Variants in STUM observed in about 807,000 individuals in gnomAD.
STUM encodes the protein stum, mechanosensory transduction mediator homolog, also known as protein stum homolog.
In STUM, 8 loss-of-function variants were observed where a neutral mutation model predicts 15.3. The ratio of observed to expected loss-of-function variants is 0.52; its 90% CI spans 0.31 to 0.94. STUM has a LOEUF of 0.94. Among genes scored for constraint, STUM ranks in the 40% least tolerant of loss-of-function variants. STUM has a pLI of 0.05. For synonymous variants in STUM, 78 were observed against 88.7 expected (o/e 0.88, Z 0.68); for missense variants, 142 against 204.9 (o/e 0.69, Z 1.87).
At chr1:226,555,219 A>T (rs680886) in intron 1 of STUM, among the ~76,000 whole-genome samples, 134,063 of 152,232 alleles carry the variant, frequency 0.88, 59,022 homozygotes, top group East Asian at 0.93. Context: ...CTGTATTCAC[A>T]CCCGCAGTGA....
intron 1 of STUM, among the ~76,000 whole-genome samples, chr1:226,575,163 G>A (rs967917507): frequency 5.3e-5 from 8 of 152,190 alleles, no homozygotes; most frequent in Non-Finnish European, 1.2e-4. Flanking sequence ...TCAGGCAGTC[G>A]GGTACCAGGA....
Position 226,560,241 on chromosome 1 carries a change from C to A in STUM, c.202+11135C>A, listed in dbSNP as rs1313700531. ...CTCCTTCCTCAGCCCTGGCTTCCAACCTCACTACTTGACCACTGTTCTTCC... is the reference window on the plus strand; with the variant it reads ...CTCCTTCCTCAGCCCTGGCTTCCAAACTCACTACTTGACCACTGTTCTTCC... On this transcript the variant is annotated intron_variant, in intron 1 of 3. Transcript: ENST00000366788. Among the ~76,000 whole-genome samples the A allele has an allele frequency of 5.9e-5, 9 of 152,326 alleles. No homozygotes were observed. In the East Asian group the frequency reaches 1.7e-3, roughly 29 times the overall value.
chr1:226,585,259 C>A (rs1162020867), intron 1 of STUM, among the ~76,000 whole-genome samples: 2 of 152,156 alleles, frequency 1.3e-5, no homozygotes, highest in African/African-American at 4.8e-5. Context: ...TTTTATTTTC[C>A]TAGTCATAAT....
At chr1:226,555,136 C>T (rs1337738817) in intron 1 of STUM, among the ~76,000 whole-genome samples, 1 of 152,234 alleles carries the variant, frequency 6.6e-6, no homozygotes, top group South Asian at 2.1e-4. Context: ...TCCTTTGCCT[C>T]TCTTGACAAC....
chr1:226,592,324 C>T (rs890300782), intron 1 of STUM, among the ~76,000 whole-genome samples: 3 of 152,230 alleles, frequency 2.0e-5, no homozygotes, highest in Non-Finnish European at 4.4e-5. Context: ...GCTGGGATTA[C>T]AGGCGTGAGC....
At chr1:226,581,631 A>G (rs537019729) in intron 1 of STUM, among the ~76,000 whole-genome samples, 7 of 152,052 alleles carry the variant, frequency 4.6e-5, no homozygotes, top group African/African-American at 1.4e-4. Flanking sequence ...GCTGGAGTGC[A>G]GTGGGCAGGA....
intron 1 of STUM, among the ~76,000 whole-genome samples, chr1:226,594,565 T>C (rs537053946): frequency 6.6e-6 from 1 of 152,338 alleles, no homozygotes; most frequent in African/African-American, 2.4e-5. Context: ...TGCTCACCTG[T>C]CATTGTGACC....
At chr1:226,573,155 C>T (rs1667746861) in intron 1 of STUM, among the ~76,000 whole-genome samples, 1 of 152,262 alleles carries the variant, frequency 6.6e-6, no homozygotes, top group African/African-American at 2.4e-5. Flanking sequence ...TTACCACATA[C>T]AGCAGATTTT....
At chr1:226,550,847 G>A (rs1315781035) in intron 1 of STUM, among the ~76,000 whole-genome samples, 1 of 152,258 alleles carries the variant, frequency 6.6e-6, no homozygotes, top group South Asian at 2.1e-4. Flanking sequence ...GCAGGGCACC[G>A]TCCATTCCGC....
At chr1:226,568,308 C>T (rs989230439) in intron 1 of STUM, among the ~76,000 whole-genome samples, 1 of 152,164 alleles carries the variant, frequency 6.6e-6, no homozygotes, top group Non-Finnish European at 1.5e-5. Context: ...GGCTGTGAGT[C>T]CCACTGCGGG....
Position 226,548,818 on chromosome 1 carries a change from G to C in STUM, c.-87G>C. The C allele has an allele frequency of 9.0e-7, 1 of 1,112,646 alleles. No individual in the cohort carries two copies. The highest frequency in any genetic ancestry group is 1.1e-6 in the Non-Finnish European group (1 of 881,362). 68.9% of individuals were successfully genotyped at this position (1,112,646 alleles called of 1,614,324 possible). A position where few individuals can be genotyped will look rare whatever the true frequency, so the allele number is the denominator to read the frequency against. ...GCCGCCTGAGCTCGGCGCGGAGCCC[G>C]GAGCCCGCAGCCGACAGTCTCCTGC... On this transcript the variant is annotated 5_prime_UTR_variant, in exon 1 of 4. Coordinates refer to ENST00000366788, the MANE Select transcript of STUM (RefSeq NM_001003665.4).
rs533538050 is a variant in STUM at position 226,565,042 on chromosome 1, C to A, written c.202+15936C>A. 2.6e-5 allele frequency among the ~76,000 whole-genome samples: 4 copies of A among 152,320 alleles called. No homozygotes were observed. In the South Asian group the frequency reaches 8.3e-4, roughly 32 times the overall value. On this transcript the variant is annotated intron_variant, in intron 1 of 3. Coordinates refer to ENST00000366788, the MANE Select transcript of STUM (RefSeq NM_001003665.4). The surrounding 1 kb of genome is among the most constrained non-coding windows in gnomAD (Gnocchi z 4.4). Reference sequence around the variant, plus strand: ...ACGGCCTGCATCACCAGTCCCCTTGCCCTCGAGCTTCCAGGTGTCTTAGCC... The same window carrying A: ...ACGGCCTGCATCACCAGTCCCCTTGACCTCGAGCTTCCAGGTGTCTTAGCC...
Position 226,549,197 on chromosome 1 carries a change from G to C in STUM, c.202+91G>C, listed in dbSNP as rs1400416721. ...AGGGCGCGGCCGGAGACCTCCTGGCGGGGCCGCGCGCTCCAAGTGCTGCGA... is the reference window on the plus strand; with the variant it reads ...AGGGCGCGGCCGGAGACCTCCTGGCCGGGCCGCGCGCTCCAAGTGCTGCGA... On this transcript the variant is annotated intron_variant, in intron 1 of 3. Transcript: ENST00000366788. The surrounding 1 kb of genome is among the most constrained non-coding windows in gnomAD (Gnocchi z 6.8). 2.6e-6 allele frequency: 3 copies of C among 1,149,272 alleles called. No individual in the cohort carries two copies. The highest frequency in any genetic ancestry group is 3.7e-6 in the Non-Finnish European group (3 of 821,314). 71.2% of individuals were successfully genotyped at this position (1,149,272 alleles called of 1,614,324 possible).
rs376244789 is a variant in STUM, at chr1:226,565,667, G to A, written c.202+16561G>A. ...GTGGAGACTTGAGAAGGTGCTAGGC[G>A]TGACTCCCTGCCCGGCTCCTGCCTG... On this transcript the variant is annotated intron_variant, in intron 1 of 3. Transcript: ENST00000366788. This position sits in a 1 kb window ranked among gnomAD's most constrained non-coding sequence, Gnocchi z 4.4. 2.3e-4 allele frequency among the ~76,000 whole-genome samples: 35 copies of A among 152,188 alleles called. 1 individual carries two copies. Among genetic ancestry groups the A allele is most frequent in the East Asian group, 1.4e-3 (7 of 5,168 alleles).
intron 1 of STUM, among the ~76,000 whole-genome samples, chr1:226,576,803 T>G (rs535389065): frequency 2.2e-4 from 33 of 152,302 alleles, no homozygotes; most frequent in African/African-American, 7.5e-4. Flanking sequence ...GCTTGTCTAG[T>G]TCCGTGGACA....
intron 1 of STUM, among the ~76,000 whole-genome samples, chr1:226,564,550 A>G (rs1304882447): frequency 6.6e-6 from 1 of 152,212 alleles, no homozygotes; most frequent in African/African-American, 2.4e-5. Flanking sequence ...TAGAACGTGC[A>G]TTGGAACCAG....
chr1:226,554,752 T>G (rs979278928), intron 1 of STUM, among the ~76,000 whole-genome samples: 4 of 152,202 alleles, frequency 2.6e-5, no homozygotes, highest in African/African-American at 9.7e-5. Flanking sequence ...GCTGAAATTG[T>G]CTATCTTCTA....
At chr1:226,574,295 T>C (rs1000331375) in intron 1 of STUM, among the ~76,000 whole-genome samples, 1 of 152,236 alleles carries the variant, frequency 6.6e-6, no homozygotes, top group Non-Finnish European at 1.5e-5. Context: ...TGTTTCTGTG[T>C]ATTTGACTTT....
chr1:226,601,726 G>A (rs1668270271), intron 3 of STUM, among the ~76,000 whole-genome samples: 1 of 152,214 alleles, frequency 6.6e-6, no homozygotes, highest in Non-Finnish European at 1.5e-5. Context: ...GCTTCCAGAT[G>A]TGGGTTCAGG....
Sources: gnomAD v4.1 joint callset for allele counts (sites outside exome capture counted in the v4.1 genomes callset) on GRCh38, gnomAD v4.1.1 for gene constraint, Gnocchi (gnomAD v3.1) non-coding constraint, MANE v1.5 for transcripts, NCBI Gene and HGNC (gene_info 2026-07-23, HGNC 2026-07-21) for gene names.